Variants in ATOSA observed in about 807,000 individuals in gnomAD.
ATOSA encodes atos homolog A.
chr15:52,673,842 C>T, the ATOSA span, among the ~76,000 whole-genome samples: 2,719 of 152,278 alleles, frequency 0.018, 88 homozygotes, highest in African/African-American at 0.063. Context: ...AACAGGGTTG[C>T]ATTATGCTAT....
At chr15:52,648,392 A>G in the ATOSA span, among the ~76,000 whole-genome samples, 1 of 152,292 alleles carries the variant, frequency 6.6e-6, no homozygotes, top group South Asian at 2.1e-4. Flanking sequence ...ATTTTAACAC[A>G]TGTATATGAT....
the ATOSA span, among the ~76,000 whole-genome samples, chr15:52,596,439 G>A: frequency 1.3e-5 from 2 of 152,170 alleles, no homozygotes; most frequent in African/African-American, 4.8e-5. Context: ...ACATCCATAT[G>A]CGTAAAAGGG....
At chr15:52,607,639 CA>C in the ATOSA span, among the ~76,000 whole-genome samples, 1 of 152,022 alleles carries the variant, frequency 6.6e-6, no homozygotes, top group African/African-American at 2.4e-5. Context: ...GGTGAAGTAT[CA>C]AAAAGAACCA....
the ATOSA span, among the ~76,000 whole-genome samples, chr15:52,635,384 A>C: frequency 6.6e-6 from 1 of 152,208 alleles, no homozygotes; most frequent in African/African-American, 2.4e-5. Flanking sequence ...GCCATGAAAC[A>C]AGTCTCAATA....
At chr15:52,611,284 T>C in the ATOSA span, 4 of 1,606,382 alleles carry the variant, frequency 2.5e-6, no homozygotes, top group South Asian at 3.3e-5. Context: ...ATAATTTAAA[T>C]GTAGGCAAGT....
chr15:52,604,731 T>C, the ATOSA span, among the ~76,000 whole-genome samples: 5 of 152,306 alleles, frequency 3.3e-5, no homozygotes, highest in Admixed American at 1.3e-4. Flanking sequence ...CTATTAGTAA[T>C]TGAGGAGTGG....
chr15:52,594,803 C>T, the ATOSA span, among the ~76,000 whole-genome samples: 1 of 152,150 alleles, frequency 6.6e-6, no homozygotes, highest in African/African-American at 2.4e-5. Context: ...ATTAGTCTTT[C>T]CATCTGTAGT....
chr15:52,630,162 A>G, the ATOSA span, among the ~76,000 whole-genome samples: 1 of 152,116 alleles, frequency 6.6e-6, no homozygotes, highest in African/African-American at 2.4e-5. Flanking sequence ...TTCTACTAGC[A>G]CTCCTATAAA....
chr15:52,661,431 G>C, the ATOSA span, among the ~76,000 whole-genome samples: 1 of 152,200 alleles, frequency 6.6e-6, no homozygotes, highest in Non-Finnish European at 1.5e-5. Flanking sequence ...CAGGGAATTT[G>C]AGTTTTACTT....
the ATOSA span, among the ~76,000 whole-genome samples, chr15:52,635,966 C>A: frequency 1.4e-5 from 2 of 148,144 alleles, no homozygotes; most frequent in Admixed American, 1.3e-4. Flanking sequence ...ACCACTGCAC[C>A]CCAGCCTGGG....
At chr15:52,609,280 G>A in the ATOSA span, 1 of 1,613,762 alleles carries the variant, frequency 6.2e-7, no homozygotes, top group Non-Finnish European at 8.5e-7. Context: ...GGAACATTTT[G>A]TGTGAGAAAT....
the ATOSA span, among the ~76,000 whole-genome samples, chr15:52,691,137 GC>G: frequency 2.6e-5 from 4 of 151,782 alleles, no homozygotes; most frequent in Non-Finnish European, 5.9e-5. Context: ...GTCAATCTCT[GC>G]TTATCCATCT....
the ATOSA span, among the ~76,000 whole-genome samples, chr15:52,707,749 G>A: frequency 7.9e-5 from 12 of 152,164 alleles, 1 homozygote; most frequent in East Asian, 7.7e-4. Context: ...ACATACTCCC[G>A]AATGATTCAG....
the ATOSA span, chr15:52,605,051 A>C: frequency 1.1e-6 from 1 of 948,698 alleles, no homozygotes; most frequent in South Asian, 1.8e-5. Context: ...AATTTTTTTC[A>C]ATTAAAATTT....
chr15:52,630,789 G>A, the ATOSA span, among the ~76,000 whole-genome samples: 5 of 152,102 alleles, frequency 3.3e-5, no homozygotes, highest in South Asian at 2.1e-4. Context: ...AGTGTTTATC[G>A]TCCATAGAAT....
the ATOSA span, among the ~76,000 whole-genome samples, chr15:52,671,573 G>A: frequency 1.1e-4 from 17 of 152,104 alleles, no homozygotes; most frequent in African/African-American, 3.9e-4. Flanking sequence ...TGTAGAGACA[G>A]ACAATAAACA....
chr15:52,664,113 G>T, the ATOSA span, among the ~76,000 whole-genome samples: 1 of 152,110 alleles, frequency 6.6e-6, no homozygotes, highest in Non-Finnish European at 1.5e-5. Flanking sequence ...TTCACAGAAG[G>T]CCACTCTGCC....
chr15:52,654,393 C>T, the ATOSA span, among the ~76,000 whole-genome samples: 1 of 152,150 alleles, frequency 6.6e-6, no homozygotes, highest in Non-Finnish European at 1.5e-5. Context: ...TGCTTTTCCC[C>T]AGTTTGCTCA....
chr15:52,614,702 G>A, the ATOSA span, among the ~76,000 whole-genome samples: 1 of 151,954 alleles, frequency 6.6e-6, no homozygotes, highest in South Asian at 2.1e-4. Context: ...ACAAAAATCA[G>A]CTGGGTGTGG....
Sources: allele counts gnomAD v4.1 joint callset (sites outside exome capture counted in the v4.1 genomes callset), GRCh38; gene constraint gnomAD v4.1.1; transcripts MANE v1.5; gene names NCBI Gene and HGNC (gene_info 2026-07-23, HGNC 2026-07-21).